Variants in ZFAND3 observed in about 807,000 individuals in gnomAD.
ZFAND3 encodes AN1-type zinc finger protein 3.
Under a neutral mutation model 29.6 loss-of-function variants are expected in ZFAND3, and 10 were observed. The ratio of observed to expected loss-of-function variants is 0.34; its 90% CI spans 0.21 to 0.57. The LOEUF is 0.57. Ranked by LOEUF, ZFAND3 falls within the 20% of genes least tolerant of loss-of-function variation. The probability of loss-of-function intolerance (pLI) is 0.86; values close to 1 mark genes in which losing one functional copy is unlikely to be tolerated. For missense variants in ZFAND3, 230 were observed against 304.5 expected, an observed-to-expected ratio of 0.76 and a Z score of 1.82; for synonymous variants, 128 against 112.6, an observed-to-expected ratio of 1.14 and a Z score of -0.87.
At chr6:37,893,395 T>G (rs1033859669) in intron 1 of ZFAND3, among the ~76,000 whole-genome samples, 10 of 152,214 alleles carry the variant, frequency 6.6e-5, no homozygotes, top group African/African-American at 4.8e-5. Flanking sequence ...GATAAAAACA[T>G]TCAACAAACT....
intron 1 of ZFAND3, among the ~76,000 whole-genome samples, chr6:37,869,909 T>C (rs1474127876): frequency 6.6e-6 from 1 of 152,128 alleles, no homozygotes; most frequent in Non-Finnish European, 1.5e-5. Flanking sequence ...TTTATTTTTC[T>C]TTCTTTCCTT....
chr6:37,998,447 AAAAG>A (rs1339699252), intron 2 of ZFAND3, among the ~76,000 whole-genome samples: 4 of 152,144 alleles, frequency 2.6e-5, no homozygotes, highest in African/African-American at 9.7e-5. Context: ...GTGAAAATTA[AAAAG>A]AAAATGTTTA....
intron 1 of ZFAND3, among the ~76,000 whole-genome samples, chr6:37,855,678 T>C (rs1285862076): frequency 1.3e-5 from 2 of 152,114 alleles, no homozygotes; most frequent in African/African-American, 2.4e-5. Flanking sequence ...CTTTTCTTTT[T>C]GGGGGGCAGG....
At chr6:37,915,763 A>C (rs2127406833) in intron 1 of ZFAND3, 2 of 152,230 alleles carry the variant, frequency 1.3e-5, no homozygotes, top group Non-Finnish European at 2.9e-5. Flanking sequence ...TGTTTTTAAA[A>C]AATTTTTTGT....
chr6:37,851,191 T>A (rs546482421), intron 1 of ZFAND3, among the ~76,000 whole-genome samples: 5 of 151,752 alleles, frequency 3.3e-5, no homozygotes, highest in Non-Finnish European at 5.9e-5. Context: ...TTCACCTTGT[T>A]GTCCAGGCTG....
At chr6:37,993,527 A>G (rs931225715) in intron 2 of ZFAND3, among the ~76,000 whole-genome samples, 20 of 152,156 alleles carry the variant, frequency 1.3e-4, no homozygotes, top group South Asian at 1.2e-3. Flanking sequence ...GGGTTTCACC[A>G]TGTTGGCCAG....
chr6:37,841,509 A>G (rs1029251892), intron 1 of ZFAND3, among the ~76,000 whole-genome samples: 1 of 152,092 alleles, frequency 6.6e-6, no homozygotes, highest in Non-Finnish European at 1.5e-5. Flanking sequence ...TTTGAGATGG[A>G]GCCTGGCTCT....
At chr6:37,892,711 T>C (rs577212997) in intron 1 of ZFAND3, among the ~76,000 whole-genome samples, 1 of 152,264 alleles carries the variant, frequency 6.6e-6, no homozygotes, top group South Asian at 2.1e-4. Flanking sequence ...AACATTTATA[T>C]AGATTGAACA....
At chr6:37,820,769 A>G (rs1167534138) in intron 1 of ZFAND3, among the ~76,000 whole-genome samples, 2 of 152,244 alleles carry the variant, frequency 1.3e-5, no homozygotes, top group African/African-American at 4.8e-5. Context: ...AGTAAAAATG[A>G]TAAAAATGTT....
intron 2 of ZFAND3, among the ~76,000 whole-genome samples, chr6:38,021,415 C>T (rs1054785180): frequency 6.6e-6 from 1 of 152,108 alleles, no homozygotes; most frequent in African/African-American, 2.4e-5. Flanking sequence ...GTTAGTGATT[C>T]CCTAGCTTTT....
chr6:38,064,747 C>T (rs188090902), intron 3 of ZFAND3, among the ~76,000 whole-genome samples: 2 of 148,408 alleles, frequency 1.3e-5, no homozygotes, highest in African/African-American at 5.0e-5. Context: ...TTTCCTTTCT[C>T]TCTCTTCTTG....
intron 1 of ZFAND3, among the ~76,000 whole-genome samples, chr6:37,821,581 A>G (rs1483319885): frequency 6.6e-6 from 1 of 152,182 alleles, no homozygotes; most frequent in African/African-American, 2.4e-5. Context: ...TAGAGTGCGT[A>G]GTACCATCAT....
At chr6:37,892,664 A>G (rs1765125852) in intron 1 of ZFAND3, among the ~76,000 whole-genome samples, 1 of 152,238 alleles carries the variant, frequency 6.6e-6, no homozygotes, top group Admixed American at 6.5e-5. Flanking sequence ...CAATGAAATC[A>G]AAAGCTGGTT....
intron 2 of ZFAND3, among the ~76,000 whole-genome samples, chr6:37,977,864 C>CTTCCT (rs1373498293): frequency 7.2e-6 from 1 of 139,200 alleles, no homozygotes; most frequent in Non-Finnish European, 1.6e-5. Context: ...TCCTTCCTTC[C>CTTCCT]TTCCTTTCCT....
chr6:38,122,100 C>G (rs1453094749), intron 5 of ZFAND3, among the ~76,000 whole-genome samples: 1 of 152,128 alleles, frequency 6.6e-6, no homozygotes, highest in Non-Finnish European at 1.5e-5. Context: ...CTCATGGGCT[C>G]TTATCTTTTT....
rs559503798 is a variant in ZFAND3, at chr6:38,026,723, G to A, written c.113-34870G>A. Among the ~76,000 whole-genome samples the A allele has an allele frequency of 5.3e-5, 8 of 151,952 alleles. No individual in the cohort carries two copies. In the South Asian group the frequency reaches 1.2e-3, roughly 24 times the overall value. ...TAGGATTACAGGCGTGAGCTACCAC[G>A]CCCGGCCAATCCAATTTTAGGATCT... On this transcript the variant is annotated intron_variant, in intron 2 of 5. Transcript: ENST00000287218.
intron 2 of ZFAND3, among the ~76,000 whole-genome samples, chr6:38,043,636 A>G (rs1166561833): frequency 3.6e-5 from 5 of 139,912 alleles, no homozygotes; most frequent in African/African-American, 1.4e-4. Context: ...CCCTTTCAAC[A>G]TGGTCTTGCT....
chr6:37,913,708 C>CTTGTTTTTTTTTTTTTT (rs1765563642), intron 1 of ZFAND3, among the ~76,000 whole-genome samples: 1 of 113,046 alleles, frequency 8.8e-6, no homozygotes, highest in Non-Finnish European at 1.8e-5. Flanking sequence ...CAGCTATATT[C>CTTGTTTTTTTTTTTTTT]TTTTTTTTTT....
chr6:38,018,400 A>C (rs1763287653), intron 2 of ZFAND3, among the ~76,000 whole-genome samples: 1 of 152,360 alleles, frequency 6.6e-6, no homozygotes, highest in Non-Finnish European at 1.5e-5. Context: ...CAAAACATAT[A>C]ACGTTTTATT....
Sources: gnomAD v4.1 joint callset for allele counts (sites outside exome capture counted in the v4.1 genomes callset) on GRCh38, gnomAD v4.1.1 for gene constraint, MANE v1.5 for transcripts, NCBI Gene and HGNC (gene_info 2026-07-23, HGNC 2026-07-21) for gene names.